SLC25A13: variants seen among roughly 807,000 people sequenced by gnomAD.
SLC25A13 encodes the protein electrogenic aspartate/glutamate antiporter SLC25A13, mitochondrial.
Under a neutral mutation model 85.5 loss-of-function variants are expected in SLC25A13, and 70 were observed. That is an observed-to-expected ratio of 0.82 (90% CI 0.68 to 1.00). The LOEUF (loss-of-function observed/expected upper bound fraction) is 1.00. SLC25A13 is among the 50% of genes least tolerant of loss of function. The pLI is 0.00. For missense variants in SLC25A13, 765 were observed against 819.8 expected (o/e 0.93, Z 0.82); for synonymous variants, 259 against 288.7 (o/e 0.90, Z 1.04).
chr7:96,292,565 A>G (rs551628656), intron 2 of SLC25A13, among the ~76,000 whole-genome samples: 17 of 152,358 alleles, frequency 1.1e-4, no homozygotes, highest in African/African-American at 3.4e-4. Context: ...TCAGCTGATA[A>G]GCAACTTCAG....
chr7:96,131,372 T>C (rs151194537), intron 15 of SLC25A13, among the ~76,000 whole-genome samples: 75 of 152,352 alleles, frequency 4.9e-4, no homozygotes, highest in African/African-American at 1.7e-3. Context: ...ATGCACTATT[T>C]TTTTTAGACA....
At chr7:96,317,805 A>ATTTTTTTTTTTTTTTT (rs67556510) in intron 1 of SLC25A13, among the ~76,000 whole-genome samples, 1 of 144,174 alleles carries the variant, frequency 6.9e-6, no homozygotes. Flanking sequence ...ATTTTACTTT[A>ATTTTTTTTTTTTTTTT]TTTTATTTTT....
At chr7:96,151,965 T>A (rs1055531706) in intron 13 of SLC25A13, among the ~76,000 whole-genome samples, 3 of 151,942 alleles carry the variant, frequency 2.0e-5, no homozygotes, top group Non-Finnish European at 4.4e-5. Flanking sequence ...AATAAATAAA[T>A]AAAATCCTGG....
chr7:96,273,328 G>A (rs1798317383), intron 3 of SLC25A13, among the ~76,000 whole-genome samples: 1 of 151,922 alleles, frequency 6.6e-6, no homozygotes, highest in African/African-American at 2.4e-5. Flanking sequence ...AACAAAAAAA[G>A]AAAGAAACAA....
chr7:96,320,134 A>G lies in SLC25A13; in HGVS notation c.15+1808T>C, dbSNP rs556324771. ...ATTCTTCTGCCTCAGCATCCTGAGTAGCTGGGATTACAGGTGCCCACCAGC... is the reference window on the plus strand; with the variant it reads ...ATTCTTCTGCCTCAGCATCCTGAGTGGCTGGGATTACAGGTGCCCACCAGC... On this transcript the variant is annotated intron_variant, in intron 1 of 17. Transcript: ENST00000265631. Among the ~76,000 whole-genome samples, 6 of 152,252 alleles carry G rather than the reference A, an allele frequency of 3.9e-5. No individual in the cohort carries two copies. The East Asian group carries it at 9.6e-4, about 24-fold the overall frequency.
intron 4 of SLC25A13, among the ~76,000 whole-genome samples, chr7:96,211,496 T>G (rs919329146): frequency 2.0e-5 from 3 of 152,212 alleles, no homozygotes; most frequent in Non-Finnish European, 4.4e-5. Flanking sequence ...AATCATTACA[T>G]AGTATGCATA....
chr7:96,294,239 T>A (rs1261792542), intron 2 of SLC25A13, among the ~76,000 whole-genome samples: 1 of 150,808 alleles, frequency 6.6e-6, no homozygotes, highest in African/African-American at 2.4e-5. Context: ...ATGAGAACAC[T>A]TGGACACAGG....
intron 11 of SLC25A13, among the ~76,000 whole-genome samples, chr7:96,183,756 T>C (rs574504321): frequency 2.0e-5 from 3 of 152,188 alleles, no homozygotes; most frequent in South Asian, 4.2e-4. Context: ...GCTGTCTCAG[T>C]GGGGGGAAAC....
intron 13 of SLC25A13, among the ~76,000 whole-genome samples, chr7:96,162,659 G>A (rs186165164): frequency 6.6e-6 from 1 of 152,146 alleles, no homozygotes; most frequent in East Asian, 1.9e-4. Context: ...GTAGAGAAAG[G>A]CTAGGTGGCT....
intron 4 of SLC25A13, among the ~76,000 whole-genome samples, chr7:96,231,887 G>C (rs1796553982): frequency 6.6e-6 from 1 of 152,070 alleles, no homozygotes. Context: ...ACACTAATCA[G>C]AATGGTTACT....
At chr7:96,301,992 T>C (rs1281125446) in intron 1 of SLC25A13, among the ~76,000 whole-genome samples, 1 of 152,088 alleles carries the variant, frequency 6.6e-6, no homozygotes, top group Non-Finnish European at 1.5e-5. Context: ...CTGGGAAAAG[T>C]CTATCATTAT....
chr7:96,175,824 C>A (rs1356074639), intron 11 of SLC25A13, among the ~76,000 whole-genome samples: 1 of 152,168 alleles, frequency 6.6e-6, no homozygotes, highest in African/African-American at 2.4e-5. Context: ...ATATTAGAGG[C>A]CCCGAGCTTC....
At chr7:96,133,673 T>G (rs1393329380) in intron 14 of SLC25A13, among the ~76,000 whole-genome samples, 1 of 152,194 alleles carries the variant, frequency 6.6e-6, no homozygotes, top group East Asian at 1.9e-4. Flanking sequence ...GTTTCTGTTT[T>G]TCCTTCCTTT....
At chr7:96,229,563 C>G (rs1796454075) in intron 4 of SLC25A13, among the ~76,000 whole-genome samples, 1 of 152,170 alleles carries the variant, frequency 6.6e-6, no homozygotes, top group Admixed American at 6.5e-5. Context: ...CTGCTGCTCA[C>G]TCTTTGGGTC....
chr7:96,275,529 T>C (rs1273518335), intron 3 of SLC25A13, among the ~76,000 whole-genome samples: 3 of 152,284 alleles, frequency 2.0e-5, no homozygotes, highest in Non-Finnish European at 2.9e-5. Context: ...ATGTGGCACA[T>C]ATACACCATG....
In SLC25A13 at chr7:96,128,752, TATAATAATAATA is replaced by T. The variant is rs367558778; in HGVS notation, c.1591+2979_1591+2990del. On this transcript the variant is annotated intron_variant, in intron 15 of 17. Coordinates refer to ENST00000265631, the MANE Select transcript of SLC25A13 (RefSeq NM_014251.3). ...TGCACATGTATCCCAGAACTTAAAG[TATAATAATAATA>T]ATAATAATAATAATAATAATAATAA... Among the ~76,000 whole-genome samples, 708 of 139,960 alleles carry T rather than the reference TATAATAATAATA, an allele frequency of 5.1e-3. 4 individuals carry two copies. Among genetic ancestry groups the T allele is most frequent in the African/African-American group, 0.013 (486 of 37,890 alleles). The allele number at this position is 139,960 out of a possible 152,430, so 91.8% of individuals were successfully genotyped here. A position where few individuals can be genotyped will look rare whatever the true frequency, so the allele number is the denominator to read the frequency against.
At chr7:96,277,390 T>A (rs752000637) in intron 2 of SLC25A13, 52 bp from the exon 3 acceptor site, 1 of 1,529,186 alleles carries the variant, frequency 6.5e-7, no homozygotes, top group Non-Finnish European at 8.9e-7. Context: ...TTCAACAGTA[T>A]ATAATCATGA....
At position 96,279,048 on chromosome 7, in the gene SLC25A13, C is replaced by G. The variant is rs578126989; in HGVS notation, c.70-1710G>C. 1.4e-4 allele frequency among the ~76,000 whole-genome samples: 21 copies of G among 152,114 alleles called. No individual in the cohort carries two copies. The South Asian group carries it at 2.9e-3, about 21-fold the overall frequency. On this transcript the variant is annotated intron_variant, in intron 2 of 17. Transcript: ENST00000265631. ...AGTAAGCTTTGAATATAACATTTGT[C>G]CAAATTCCTGGCAATTTTCAAAGGC...
At chr7:96,265,231 G>C (rs1798004508) in intron 3 of SLC25A13, among the ~76,000 whole-genome samples, 1 of 152,102 alleles carries the variant, frequency 6.6e-6, no homozygotes, top group Non-Finnish European at 1.5e-5. Context: ...GCATAATTTT[G>C]TAACACCATG....
Sources: allele counts gnomAD v4.1 joint callset (sites outside exome capture counted in the v4.1 genomes callset), GRCh38; gene constraint gnomAD v4.1.1; transcripts MANE v1.5; gene names NCBI Gene and HGNC (gene_info 2026-07-23, HGNC 2026-07-21).